The following TMEM232 variants were observed in gnomAD, a reference collection of about 807,000 sequenced individuals.
TMEM232 encodes transmembrane protein 232.
In TMEM232, 80 loss-of-function variants were observed where a neutral mutation model predicts 78.8. The observed-to-expected ratio is 1.01, with a 90% CI of 0.85 to 1.22. The LOEUF (loss-of-function observed/expected upper bound fraction) is 1.22, where lower values mean the gene tolerates loss of function less well. Ranked by LOEUF, TMEM232 falls within the 50% of genes most tolerant of loss-of-function variation. The pLI, the probability that TMEM232 is intolerant of heterozygous loss-of-function variation, is 0.00. For synonymous variants in TMEM232, 297 were observed against 254.3 expected, an observed-to-expected ratio of 1.17 and a Z score of -1.60; for missense variants, 881 against 742.2, an observed-to-expected ratio of 1.19 and a Z score of -2.17.
chr5:110,530,630 A>G (rs1316021792), intron 11 of TMEM232, among the ~76,000 whole-genome samples: 2 of 152,212 alleles, frequency 1.3e-5, no homozygotes, highest in Non-Finnish European at 2.9e-5. Context: ...CAGGCACAGA[A>G]AGACAAATAC....
At chr5:110,412,393 A>G (rs1461884721) in intron 2 of TMEM232, among the ~76,000 whole-genome samples, 1 of 152,168 alleles carries the variant, frequency 6.6e-6, no homozygotes, top group Non-Finnish European at 1.5e-5. Context: ...GTAAATGAAA[A>G]TCATTGAAAC....
At chr5:110,625,628 C>A in intron 6 of TMEM232, 195 bp from the exon 7 acceptor site, 1 of 354,388 alleles carries the variant, frequency 2.8e-6, no homozygotes, top group Non-Finnish European at 4.9e-6. Flanking sequence ...ATAATTTATA[C>A]GTAAGAGTTT....
At chr5:110,723,034 G>A (rs778296216) in intron 1 of TMEM232, among the ~76,000 whole-genome samples, 19 of 152,106 alleles carry the variant, frequency 1.2e-4, no homozygotes, top group Non-Finnish European at 1.3e-4. Context: ...GAATGAGTTA[G>A]GAAGTATTTC....
At chr5:110,616,458 CAAAGT>C (rs768797733) in intron 8 of TMEM232, among the ~76,000 whole-genome samples, 17 of 151,908 alleles carry the variant, frequency 1.1e-4, no homozygotes, top group Middle Eastern at 3.4e-3. Context: ...GAAACATTAA[CAAAGT>C]AAAGAGACAA....
chr5:110,498,352 G>T (rs1177102835), intron 12 of TMEM232, among the ~76,000 whole-genome samples: 1 of 152,090 alleles, frequency 6.6e-6, no homozygotes, highest in Non-Finnish European at 1.5e-5. Context: ...AACAGAGGCT[G>T]TGCATATTTA....
At chr5:110,575,875 A>G (rs2149708848) in intron 10 of TMEM232, among the ~76,000 whole-genome samples, 1 of 152,146 alleles carries the variant, frequency 6.6e-6, no homozygotes, top group South Asian at 2.1e-4. Context: ...TCAGCAGAGC[A>G]GCTGCTCAGG....
intron 12 of TMEM232, among the ~76,000 whole-genome samples, chr5:110,465,683 A>T (rs1437404677): frequency 6.6e-6 from 1 of 152,228 alleles, no homozygotes; most frequent in Admixed American, 6.5e-5. Flanking sequence ...GTGTCCAATG[A>T]TATATCCTCA....
intron 12 of TMEM232, 130 bp from the exon 13 acceptor site, chr5:110,425,046 T>C (rs1435739851): frequency 6.8e-6 from 5 of 732,408 alleles, no homozygotes. Context: ...AAAGTATTTG[T>C]GTAGACTATG....
At chr5:110,690,152 A>G (rs1793930679) in intron 1 of TMEM232, among the ~76,000 whole-genome samples, 1 of 152,230 alleles carries the variant, frequency 6.6e-6, no homozygotes, top group Admixed American at 6.5e-5. Context: ...TAATTAAACT[A>G]AAGAGCTTCT....
chr5:110,559,757 T>C (rs748961827), intron 11 of TMEM232, among the ~76,000 whole-genome samples: 2 of 152,146 alleles, frequency 1.3e-5, no homozygotes, highest in Non-Finnish European at 2.9e-5. Context: ...GAACAGAAGT[T>C]TATCATGTCA....
chr5:110,718,698 TTTCTC>T (rs1327367409), intron 1 of TMEM232, among the ~76,000 whole-genome samples: 2 of 152,064 alleles, frequency 1.3e-5, no homozygotes, highest in Non-Finnish European at 2.9e-5. Flanking sequence ...CTCCTTTCTC[TTTCTC>T]TTCTCTTCTA....
chr5:110,403,460 G>A (rs928364861), intron 2 of TMEM232, among the ~76,000 whole-genome samples: 3 of 151,910 alleles, frequency 2.0e-5, no homozygotes, highest in South Asian at 4.1e-4. Flanking sequence ...GTGCAGCTTC[G>A]GCTATCCATA....
chr5:110,738,302 T>C, upstream of TMEM232: 1 of 1,245,520 alleles, frequency 8.0e-7, no homozygotes, highest in Non-Finnish European at 1.0e-6. Flanking sequence ...GAGGTCCCAA[T>C]TTTGAACGAT....
chr5:110,682,799 C>T (rs2150187757), intron 1 of TMEM232, among the ~76,000 whole-genome samples: 1 of 152,196 alleles, frequency 6.6e-6, no homozygotes, highest in Non-Finnish European at 1.5e-5. Context: ...ACTGATCTTA[C>T]CTGATCCCTC....
intron 2 of TMEM232, among the ~76,000 whole-genome samples, chr5:110,403,292 T>C (rs1201496836): frequency 2.6e-5 from 4 of 152,074 alleles, no homozygotes; most frequent in Admixed American, 6.6e-5. Context: ...TGTTAAAATA[T>C]ATTTGAGCAA....
intron 10 of TMEM232, among the ~76,000 whole-genome samples, chr5:110,595,569 A>C (rs1487786594): frequency 6.6e-6 from 1 of 152,218 alleles, no homozygotes; most frequent in African/African-American, 2.4e-5. Flanking sequence ...TCCAGTTTAG[A>C]AAAGAATATA....
In TMEM232 at chr5:110,536,943, G is replaced by A. The variant is rs371454579; in HGVS notation, c.1456-8108C>T. Among the ~76,000 whole-genome samples the A allele has an allele frequency of 5.3e-5, 8 of 152,268 alleles. No homozygotes were observed. In the East Asian group the frequency reaches 1.5e-3, roughly 29 times the overall value. ...AAACACTCATAATGGGTCATCAGTG[G>A]TGGAGGGAACCATTCCAAAGCAGTG... is the stretch of plus-strand genomic sequence containing the variant. On this transcript the variant is annotated intron_variant, in intron 11 of 13. Coordinates refer to ENST00000455884, the MANE Select transcript of TMEM232 (RefSeq NM_001039763.4).
At chr5:110,502,756 C>A (rs1163445915) in intron 12 of TMEM232, among the ~76,000 whole-genome samples, 1 of 152,192 alleles carries the variant, frequency 6.6e-6, no homozygotes, top group Non-Finnish European at 1.5e-5. Flanking sequence ...CCCCTTCCTT[C>A]ATTTGGGCAT....
intron 12 of TMEM232, among the ~76,000 whole-genome samples, chr5:110,498,018 G>A (rs1350986805): frequency 1.3e-5 from 2 of 152,030 alleles, no homozygotes. Flanking sequence ...AATAAATGAA[G>A]ACAGTTAATA....
Sources: allele counts gnomAD v4.1 joint callset (sites outside exome capture counted in the v4.1 genomes callset), GRCh38; gene constraint gnomAD v4.1.1; transcripts MANE v1.5; gene names NCBI Gene and HGNC (gene_info 2026-07-23, HGNC 2026-07-21).